The following SLIT3 variants were observed in gnomAD, a reference collection of about 807,000 sequenced individuals.
The protein encoded by SLIT3 is slit homolog 3 protein.
A neutral mutation model predicts 184.0 loss-of-function variants in SLIT3; 68 were observed. The ratio of observed to expected loss-of-function variants is 0.37; its 90% CI spans 0.30 to 0.45. The LOEUF is 0.45. Among genes scored for constraint, SLIT3 ranks in the 20% least tolerant of loss-of-function variants. The pLI, the probability that SLIT3 is intolerant of heterozygous loss-of-function variation, is 1.00. For synonymous variants in SLIT3, 831 were observed against 828.6 expected, an observed-to-expected ratio of 1.00 and a Z score of -0.05; for missense variants, 1,707 against 2,026.0, an observed-to-expected ratio of 0.84 and a Z score of 3.02.
chr5:168,683,895 T>C, intron 32 of SLIT3, 71 bp downstream of exon 32: 1 of 1,354,368 alleles, frequency 7.4e-7, no homozygotes, highest in South Asian at 2.1e-5. Flanking sequence ...ATCCCCCTTC[T>C]GAGTTGCAGG....
chr5:169,268,415 C>A (rs538196802), intron 1 of SLIT3, among the ~76,000 whole-genome samples: 3 of 152,232 alleles, frequency 2.0e-5, no homozygotes, highest in African/African-American at 7.2e-5. Flanking sequence ...CATTTTCCTG[C>A]CTGTCTTTCC....
chr5:168,893,024 C>T (rs905618668), intron 4 of SLIT3, among the ~76,000 whole-genome samples: 1 of 152,216 alleles, frequency 6.6e-6, no homozygotes, highest in African/African-American at 2.4e-5. Context: ...ACAGTCCACA[C>T]GTACCTCATT....
intron 4 of SLIT3, among the ~76,000 whole-genome samples, chr5:169,140,005 G>C (rs1427480236): frequency 6.6e-6 from 1 of 152,096 alleles, no homozygotes; most frequent in African/African-American, 2.4e-5. Flanking sequence ...CCTCTCCAAG[G>C]CCTTCATCAC....
At chr5:168,962,847 C>T (rs1763064572) in intron 4 of SLIT3, among the ~76,000 whole-genome samples, 1 of 152,148 alleles carries the variant, frequency 6.6e-6, no homozygotes, top group Non-Finnish European at 1.5e-5. Context: ...GCCTAAAATC[C>T]TCTCCTTCCC....
At chr5:168,806,065 C>A (rs938783045) in intron 9 of SLIT3, among the ~76,000 whole-genome samples, 2 of 152,166 alleles carry the variant, frequency 1.3e-5, no homozygotes, top group Non-Finnish European at 2.9e-5. Flanking sequence ...CTCATTGGGA[C>A]AGGCCAGAGA....
intron 5 of SLIT3, among the ~76,000 whole-genome samples, chr5:168,854,370 G>T (rs1282072208): frequency 6.7e-6 from 1 of 149,476 alleles, no homozygotes; most frequent in African/African-American, 2.5e-5. Flanking sequence ...GGGGGGAGCA[G>T]CACACTCAAC....
intron 4 of SLIT3, among the ~76,000 whole-genome samples, chr5:169,027,656 C>T (rs1308926345): frequency 6.6e-6 from 1 of 152,168 alleles, no homozygotes; most frequent in Non-Finnish European, 1.5e-5. Flanking sequence ...ATGTAATAAG[C>T]CTGGTCCAAT....
In SLIT3 at chr5:168,664,725, G is replaced by A. The variant is rs962003326; in HGVS notation, c.*1729C>T. 4 of 152,278 alleles carry A rather than the reference G, an allele frequency of 2.6e-5. No individual in the cohort carries two copies. Among genetic ancestry groups the A allele is most frequent in the Admixed American group, 2.6e-4 (4 of 15,282 alleles). The allele number at this position is 152,278 out of a possible 1,614,324, so 9.4% of individuals were successfully genotyped here. On this transcript the variant is annotated 3_prime_UTR_variant, in exon 36 of 36. Coordinates refer to ENST00000519560, the MANE Select transcript of SLIT3 (RefSeq NM_003062.4). ...GAAGCTCCTGGGGGAAGGAGGGATG[G>A]ATGATAAGAGCCAGGGAGTTGGTGT...
At chr5:169,013,809 C>A (rs576749454) in intron 4 of SLIT3, among the ~76,000 whole-genome samples, 1 of 152,314 alleles carries the variant, frequency 6.6e-6, no homozygotes, top group Admixed American at 6.5e-5. Flanking sequence ...AGTTACTTAC[C>A]TCTTCCTTCT....
chr5:169,237,085 GTTC>G (rs1177774752), intron 3 of SLIT3, among the ~76,000 whole-genome samples: 3 of 152,142 alleles, frequency 2.0e-5, no homozygotes, highest in Admixed American at 6.5e-5. Flanking sequence ...CTAGAGTACA[GTTC>G]TTCTGTGCAG....
At chr5:168,723,714 G>A (rs1208972948) in intron 21 of SLIT3, among the ~76,000 whole-genome samples, 2 of 152,212 alleles carry the variant, frequency 1.3e-5, no homozygotes, top group Non-Finnish European at 2.9e-5. Flanking sequence ...GAGCTTCCCT[G>A]CGGGGATAAA....
At chr5:168,799,756 CTG>C (rs1261982593) in intron 9 of SLIT3, among the ~76,000 whole-genome samples, 1 of 152,162 alleles carries the variant, frequency 6.6e-6, no homozygotes, top group African/African-American at 2.4e-5. Flanking sequence ...ATGTCAGACA[CTG>C]TCTTCCTTGC....
intron 4 of SLIT3, among the ~76,000 whole-genome samples, chr5:169,114,512 C>A (rs1200802128): frequency 1.3e-5 from 2 of 152,340 alleles, no homozygotes; most frequent in East Asian, 3.9e-4. Context: ...TTTTCTTGAA[C>A]AACCCCCAGA....
At chr5:168,856,963 G>A (rs1187456106) in intron 5 of SLIT3, among the ~76,000 whole-genome samples, 1 of 151,954 alleles carries the variant, frequency 6.6e-6, no homozygotes, top group Non-Finnish European at 1.5e-5. Flanking sequence ...GACGTGCGAC[G>A]GCTCCTGGGG....
chr5:168,903,829 A>G (rs1760953172), intron 4 of SLIT3, among the ~76,000 whole-genome samples: 1 of 152,226 alleles, frequency 6.6e-6, no homozygotes. Flanking sequence ...TTATTATTAA[A>G]TAACCAAATG....
Position 168,774,395 on chromosome 5 carries a change from G to C in SLIT3, c.1152-17C>G. The C allele has an allele frequency of 8.1e-6, 13 of 1,601,574 alleles. No individual in the cohort carries two copies. Among genetic ancestry groups the C allele is most frequent in the Non-Finnish European group, 1.0e-5 (12 of 1,174,242 alleles). On this transcript the variant is annotated splice_polypyrimidine_tract_variant and intron_variant, in intron 12 of 35. Coordinates refer to ENST00000519560, the MANE Select transcript of SLIT3 (RefSeq NM_003062.4). ...TTGAGGAGGCTGCAAACAGAAGAGA[G>C]CCTGGTTGATTCACTAATCCTGGTA...
At chr5:169,063,424 C>T (rs1758243132) in intron 4 of SLIT3, among the ~76,000 whole-genome samples, 1 of 152,248 alleles carries the variant, frequency 6.6e-6, no homozygotes, top group African/African-American at 2.4e-5. Flanking sequence ...ATCCTTCCCA[C>T]ATTCCCTCGA....
At chr5:169,144,050 G>A (rs1475923501) in intron 4 of SLIT3, among the ~76,000 whole-genome samples, 1 of 152,230 alleles carries the variant, frequency 6.6e-6, no homozygotes, top group Non-Finnish European at 1.5e-5. Flanking sequence ...AAGGTGCATA[G>A]TAGAATCTCC....
chr5:169,072,017 T>C (rs1043384525), intron 4 of SLIT3, among the ~76,000 whole-genome samples: 3 of 152,186 alleles, frequency 2.0e-5, no homozygotes, highest in Admixed American at 6.5e-5. Context: ...ATAGCTCAGC[T>C]TTGATCCCCA....
Sources: gnomAD v4.1 joint callset for allele counts (sites outside exome capture counted in the v4.1 genomes callset) on GRCh38, gnomAD v4.1.1 for gene constraint, MANE v1.5 for transcripts, NCBI Gene and HGNC (gene_info 2026-07-23, HGNC 2026-07-21) for gene names.